CTNNA3: variants seen among roughly 807,000 people sequenced by gnomAD.
CTNNA3 encodes the protein catenin alpha-3.
A neutral mutation model predicts 95.7 loss-of-function variants in CTNNA3; 76 were observed. The ratio of observed to expected loss-of-function variants is 0.79; its 90% CI spans 0.66 to 0.96. The LOEUF is 0.96. CTNNA3 is among the 40% of genes least tolerant of loss of function. The probability of loss-of-function intolerance (pLI) is 0.00; values close to 1 mark genes in which losing one functional copy is unlikely to be tolerated. For missense variants in CTNNA3, 1,191 were observed against 1,089.8 expected, an observed-to-expected ratio of 1.09 and a Z score of -1.31; for synonymous variants, 431 against 374.4, an observed-to-expected ratio of 1.15 and a Z score of -1.74.
intron 3 of CTNNA3, among the ~76,000 whole-genome samples, chr10:67,583,449 C>A (rs1842491422): frequency 6.6e-6 from 1 of 152,150 alleles, no homozygotes; most frequent in African/African-American, 2.4e-5. Context: ...GATGGGCTTC[C>A]CTTTGTGGGT....
At chr10:67,486,933 T>G (rs1040342237) in intron 5 of CTNNA3, among the ~76,000 whole-genome samples, 2 of 152,208 alleles carry the variant, frequency 1.3e-5, no homozygotes, top group Non-Finnish European at 2.9e-5. Flanking sequence ...TCCAATCTTA[T>G]TTTAGTTGTA....
intron 13 of CTNNA3, among the ~76,000 whole-genome samples, chr10:66,185,723 T>TA (rs761977332): frequency 1.1e-3 from 171 of 151,928 alleles, no homozygotes; most frequent in Non-Finnish European, 1.4e-3. Context: ...ATTATTTAAT[T>TA]AAAAAAAGTT....
chr10:66,196,781 A>C (rs931195028), intron 13 of CTNNA3, among the ~76,000 whole-genome samples: 1 of 152,154 alleles, frequency 6.6e-6, no homozygotes, highest in Non-Finnish European at 1.5e-5. Flanking sequence ...AGGCCATACC[A>C]GGAAGCCCAT....
chr10:65,921,564 G>T (rs1012477544), intron 17 of CTNNA3, among the ~76,000 whole-genome samples: 1 of 152,162 alleles, frequency 6.6e-6, no homozygotes, highest in Non-Finnish European at 1.5e-5. Context: ...CCAGACATAC[G>T]CCTTACATGA....
At chr10:67,467,917 C>G (rs1231802671) in intron 5 of CTNNA3, among the ~76,000 whole-genome samples, 1 of 151,650 alleles carries the variant, frequency 6.6e-6, no homozygotes, top group East Asian at 1.9e-4. Context: ...TGCCATGTTG[C>G]CCACGCTGGT....
At chr10:67,357,596 T>C (rs1193049925) in intron 5 of CTNNA3, among the ~76,000 whole-genome samples, 1 of 152,066 alleles carries the variant, frequency 6.6e-6, no homozygotes, top group Admixed American at 6.6e-5. Context: ...CATAAATATG[T>C]CAATTCTTCT....
At chr10:66,540,097 C>T (rs1391416652) in intron 10 of CTNNA3, among the ~76,000 whole-genome samples, 1 of 152,016 alleles carries the variant, frequency 6.6e-6, no homozygotes, top group East Asian at 1.9e-4. Flanking sequence ...AGAGGTATTA[C>T]ATCCTTACTG....
intron 5 of CTNNA3, among the ~76,000 whole-genome samples, chr10:67,486,443 A>G (rs918655565): frequency 2.6e-5 from 4 of 151,838 alleles, no homozygotes; most frequent in African/African-American, 9.7e-5. Context: ...GTGTCTTCCT[A>G]ATTCCTGTAT....
chr10:66,424,854 T>C (rs971204270), intron 11 of CTNNA3, among the ~76,000 whole-genome samples: 5 of 152,050 alleles, frequency 3.3e-5, no homozygotes, highest in African/African-American at 1.2e-4. Context: ...TCTGATAGCA[T>C]TGTACTCAAA....
chr10:67,529,793 C>T (rs952700871), intron 4 of CTNNA3, among the ~76,000 whole-genome samples: 1 of 151,920 alleles, frequency 6.6e-6, no homozygotes, highest in African/African-American at 2.4e-5. Flanking sequence ...CTAATTTCTC[C>T]TCTTATATCT....
In CTNNA3 at chr10:66,280,515, G is replaced by T; in HGVS notation, c.1839C>A (p.Ile613=). The T allele has an allele frequency of 6.2e-7, 1 of 1,609,312 alleles. No homozygotes were observed. The highest frequency in any genetic ancestry group is 1.1e-5 in the South Asian group (1 of 90,612). ...ATCTGATATCATGAATTGTATCATAGATCTTCTTTGAGATGTCCACAAATT... is the reference window on the plus strand; with the variant it reads ...ATCTGATATCATGAATTGTATCATATATCTTCTTTGAGATGTCCACAAATT... ...DNQFVDISKK[I]YDTIHDIRCS... is the part of the protein sequence containing the mutation. The change falls in exon 13 of 18, where the codon ATC becomes ATA. Residue 613 remains isoleucine (I), a synonymous_variant. Coordinates refer to ENST00000433211, the MANE Select transcript of CTNNA3 (RefSeq NM_013266.4).
At chr10:67,701,416 C>T (rs942212222) in intron 1 of CTNNA3, among the ~76,000 whole-genome samples, 9 of 152,304 alleles carry the variant, frequency 5.9e-5, no homozygotes, top group African/African-American at 2.2e-4. Flanking sequence ...ATCAGACTAA[C>T]AGTGGATGTC....
intron 7 of CTNNA3, among the ~76,000 whole-genome samples, chr10:67,023,247 A>G (rs981045691): frequency 6.6e-6 from 1 of 152,204 alleles, no homozygotes; most frequent in Non-Finnish European, 1.5e-5. Flanking sequence ...TAGGTAATCT[A>G]CAGTGAATAG....
At chr10:66,307,104 G>A (rs532332266) in intron 12 of CTNNA3, among the ~76,000 whole-genome samples, 10 of 152,094 alleles carry the variant, frequency 6.6e-5, no homozygotes, top group Non-Finnish European at 1.3e-4. Flanking sequence ...TATAGATGAA[G>A]ACACAGAGAT....
chr10:67,163,365 T>C (rs959316728), intron 7 of CTNNA3, among the ~76,000 whole-genome samples: 6 of 152,018 alleles, frequency 3.9e-5, no homozygotes, highest in Admixed American at 6.6e-5. Flanking sequence ...AGAAAAATCA[T>C]ATGATTATGT....
chr10:66,190,950 T>C (rs1023418582), intron 13 of CTNNA3, among the ~76,000 whole-genome samples: 1 of 152,154 alleles, frequency 6.6e-6, no homozygotes, highest in Non-Finnish European at 1.5e-5. Context: ...ACAAGACTGC[T>C]GGGAATTGTA....
intron 15 of CTNNA3, among the ~76,000 whole-genome samples, chr10:66,064,106 A>G (rs2080265870): frequency 6.6e-6 from 1 of 152,170 alleles, no homozygotes; most frequent in Non-Finnish European, 1.5e-5. Flanking sequence ...ACTTACAATC[A>G]TGTCAGTAGG....
chr10:67,343,414 GTCT>G (rs1274368092), intron 5 of CTNNA3, among the ~76,000 whole-genome samples: 1 of 151,888 alleles, frequency 6.6e-6, no homozygotes, highest in Non-Finnish European at 1.5e-5. Context: ...ATTTTTTGGT[GTCT>G]TCTTCTATTT....
intron 11 of CTNNA3, among the ~76,000 whole-genome samples, chr10:66,490,839 G>A (rs902825309): frequency 1.3e-5 from 2 of 152,120 alleles, no homozygotes; most frequent in Non-Finnish European, 2.9e-5. Flanking sequence ...GGGTCTCTGC[G>A]TGACTAATAC....
Sources: gnomAD v4.1 joint callset for allele counts (sites outside exome capture counted in the v4.1 genomes callset) on GRCh38, gnomAD v4.1.1 for gene constraint, MANE v1.5 for transcripts, NCBI Gene and HGNC (gene_info 2026-07-23, HGNC 2026-07-21) for gene names.